Variants in CALN1 observed in about 807,000 individuals in gnomAD.
CALN1 encodes the protein calneuron 1.
Under a neutral mutation model 30.6 loss-of-function variants are expected in CALN1, and 17 were observed. The observed-to-expected ratio is 0.56, with a 90% CI of 0.38 to 0.83. The LOEUF is 0.83. Among genes scored for constraint, CALN1 ranks in the 40% least tolerant of loss-of-function variants. The pLI is 0.00. For synonymous variants in CALN1, 156 were observed against 131.4 expected (o/e 1.19, Z -1.28); for missense variants, 291 against 354.9 (o/e 0.82, Z 1.45).
intron 3 of CALN1, among the ~76,000 whole-genome samples, chr7:72,267,075 C>A (rs1239209029): frequency 6.6e-6 from 1 of 152,162 alleles, no homozygotes; most frequent in African/African-American, 2.4e-5. Flanking sequence ...GAACTTTGAG[C>A]CATCAGATAA....
chr7:72,221,449 T>C (rs946971348), intron 3 of CALN1, among the ~76,000 whole-genome samples: 1 of 151,644 alleles, frequency 6.6e-6, no homozygotes, highest in Non-Finnish European at 1.5e-5. Context: ...TCCCGAGTAG[T>C]TGGGATTACA....
chr7:72,107,842 C>A (rs1416800753), intron 3 of CALN1, among the ~76,000 whole-genome samples: 1 of 152,164 alleles, frequency 6.6e-6, no homozygotes, highest in Admixed American at 6.5e-5. Flanking sequence ...CATTGGGGTT[C>A]TCCCACTCAG....
the CALN1 span, among the ~76,000 whole-genome samples, chr7:72,494,965 A>G: frequency 1.1e-4 from 15 of 138,176 alleles, no homozygotes; most frequent in African/African-American, 4.3e-4. Flanking sequence ...TGGCTTCCCC[A>G]AAATAACACC....
intron 4 of CALN1, among the ~76,000 whole-genome samples, chr7:72,042,887 T>A (rs1802219101): frequency 6.6e-6 from 1 of 152,194 alleles, no homozygotes; most frequent in Non-Finnish European, 1.5e-5. Context: ...AGAAACCAGC[T>A]AAGGGCCAAC....
intron 4 of CALN1, among the ~76,000 whole-genome samples, chr7:72,097,080 G>C (rs1806287326): frequency 6.6e-6 from 1 of 151,900 alleles, no homozygotes; most frequent in Admixed American, 6.6e-5. Context: ...AACACCGTAT[G>C]TTCTCACTCA....
intron 2 of CALN1, among the ~76,000 whole-genome samples, chr7:72,312,804 G>A (rs1352726860): frequency 2.6e-5 from 4 of 151,358 alleles, no homozygotes; most frequent in African/African-American, 4.8e-5. Context: ...TTTTAAAATA[G>A]AAGAGAGAAT....
intron 2 of CALN1, among the ~76,000 whole-genome samples, chr7:72,375,258 G>T (rs970994785): frequency 3.0e-4 from 45 of 152,206 alleles, no homozygotes; most frequent in African/African-American, 1.1e-3. Flanking sequence ...TCATCTGGAG[G>T]CTTGACCAGA....
At chr7:72,031,720 A>G in intron 4 of CALN1, among the ~76,000 whole-genome samples, 1 of 144,388 alleles carries the variant, frequency 6.9e-6, no homozygotes. Flanking sequence ...GTTATGTGCC[A>G]CCACGCCTGG....
At chr7:71,907,856 C>T (rs1342082980) in intron 5 of CALN1, among the ~76,000 whole-genome samples, 1 of 152,226 alleles carries the variant, frequency 6.6e-6, no homozygotes, top group Admixed American at 6.5e-5. Context: ...AATGACTTGT[C>T]ATGCGCTTAT....
At chr7:72,233,142 C>T (rs1239058222) in intron 3 of CALN1, among the ~76,000 whole-genome samples, 1 of 149,402 alleles carries the variant, frequency 6.7e-6, no homozygotes, top group Non-Finnish European at 1.5e-5. Flanking sequence ...TTTTTCGTCA[C>T]TATTTTTACT....
intron 4 of CALN1, among the ~76,000 whole-genome samples, chr7:72,098,764 G>GCGCACGCGCACACACA (rs1414936509): frequency 2.8e-5 from 4 of 142,730 alleles, no homozygotes; most frequent in African/African-American, 1.1e-4. Flanking sequence ...CATTTGGCGC[G>GCGCACGCGCACACACA]CACACACACA....
At chr7:72,469,751 T>C in the CALN1 span, among the ~76,000 whole-genome samples, 1 of 152,228 alleles carries the variant, frequency 6.6e-6, no homozygotes, top group South Asian at 2.1e-4. Context: ...ATCTATCCTA[T>C]GCCAGTACCA....
chr7:71,962,368 A>G (rs1797291513), intron 5 of CALN1, among the ~76,000 whole-genome samples: 1 of 152,154 alleles, frequency 6.6e-6, no homozygotes, highest in African/African-American at 2.4e-5. Context: ...GCACCACTGC[A>G]CTGCAGCCTG....
intron 5 of CALN1, among the ~76,000 whole-genome samples, chr7:71,876,719 C>T (rs1208610475): frequency 2.0e-5 from 3 of 152,056 alleles, no homozygotes; most frequent in Non-Finnish European, 4.4e-5. Context: ...TTAGAAAACA[C>T]AGTAAAAGTT....
intron 5 of CALN1, among the ~76,000 whole-genome samples, chr7:71,940,155 C>T (rs938229208): frequency 6.6e-6 from 1 of 152,196 alleles, no homozygotes; most frequent in Non-Finnish European, 1.5e-5. Flanking sequence ...CTCTGATCTC[C>T]ACTTTTTTTC....
chr7:72,434,935 G>A (rs1179168888), intron 1 of CALN1, among the ~76,000 whole-genome samples: 1 of 152,154 alleles, frequency 6.6e-6, no homozygotes, highest in Non-Finnish European at 1.5e-5. Context: ...TTTTCAAAAG[G>A]CAGGGTAGGG....
intron 4 of CALN1, among the ~76,000 whole-genome samples, chr7:72,035,309 A>G (rs1801728845): frequency 1.3e-5 from 2 of 152,032 alleles, no homozygotes; most frequent in African/African-American, 4.8e-5. Flanking sequence ...GATGACCACC[A>G]TTCTACTTTC....
At chr7:71,951,269 G>C (rs1427732728) in intron 5 of CALN1, among the ~76,000 whole-genome samples, 2 of 152,232 alleles carry the variant, frequency 1.3e-5, no homozygotes, top group Non-Finnish European at 2.9e-5. Flanking sequence ...AACACTCTCA[G>C]TAAAGAAATG....
At chr7:72,378,969 C>T (rs964282096) in intron 2 of CALN1, among the ~76,000 whole-genome samples, 10 of 152,206 alleles carry the variant, frequency 6.6e-5, no homozygotes, top group South Asian at 4.2e-4. Flanking sequence ...ATGTGGGTTT[C>T]CTTAGTCTGT....
Sources: gnomAD v4.1 joint callset for allele counts (sites outside exome capture counted in the v4.1 genomes callset) on GRCh38, gnomAD v4.1.1 for gene constraint, MANE v1.5 for transcripts, NCBI Gene and HGNC (gene_info 2026-07-23, HGNC 2026-07-21) for gene names.